The following SPTB variants were observed in gnomAD, a reference collection of about 807,000 sequenced individuals.
SPTB encodes the protein spectrin beta chain, erythrocytic.
SPTB carries 45 observed loss-of-function variants against 256.2 expected under a neutral mutation model. The ratio of observed to expected loss-of-function variants is 0.18; its 90% confidence interval spans 0.14 to 0.23. The LOEUF (loss-of-function observed/expected upper bound fraction) is 0.23, where lower values mean the gene tolerates loss of function less well. Among genes scored for constraint, SPTB ranks in the 10% least tolerant of loss-of-function variants. SPTB has a pLI of 1.00. For synonymous variants in SPTB, 1,231 were observed against 1,243.1 expected (o/e 0.99, Z 0.21); for missense variants, 2,715 against 3,040.4 (o/e 0.89, Z 2.52).
intron 1 of SPTB, among the ~76,000 whole-genome samples, chr14:64,860,737 T>A (rs2083953691): frequency 6.6e-6 from 1 of 152,166 alleles, no homozygotes; most frequent in Admixed American, 6.5e-5. Context: ...GTCCCTGCCC[T>A]AAAGAAATAG....
chr14:64,795,428 T>A lies in SPTB; in HGVS notation c.1553A>T (p.Gln518Leu). The A allele has an allele frequency of 6.2e-7, 1 of 1,614,232 alleles. No individual in the cohort carries two copies. The highest frequency in any genetic ancestry group is 1.6e-4 in the Middle Eastern group (1 of 6,062). Residue 518 changes from glutamine to leucine, a missense_variant, in exon 12 of 36, where the codon CAG (glutamine) becomes CTG (leucine). Transcript: ENST00000644917. This position sits in a 1 kb window ranked among gnomAD's most constrained non-coding sequence, Gnocchi z 6.5. ...RLWSYLQELL[Q>L]SRRQRLETTL... is the part of the protein sequence containing the mutation. ...GGTCTCGAGCCTCTGGCGCCGGGAC[T>A]GCAGCAGCTCCTGCAGGTAGCTCCA...
chr14:64,749,779 C>G lies in SPTB; in HGVS notation c.6777-83G>C. Reference sequence around the variant, plus strand: ...AGGGCTGGCTCTGATCCCACAATACCCTGAGCCGAACATCCAGACCCCTCT... The same window carrying G: ...AGGGCTGGCTCTGATCCCACAATACGCTGAGCCGAACATCCAGACCCCTCT... On this transcript the variant is annotated intron_variant, in intron 34 of 35. Transcript: ENST00000644917. The surrounding 1 kb of genome is among the most constrained non-coding windows in gnomAD (Gnocchi z 4.7). 1 of 1,559,248 alleles carries G rather than the reference C, an allele frequency of 6.4e-7. No individual in the cohort carries two copies. Among genetic ancestry groups the G allele is most frequent in the African/African-American group, 1.4e-5 (1 of 73,566 alleles).
Position 64,823,811 on chromosome 14 carries a change from T to C in SPTB, c.-51-666A>G, listed in dbSNP as rs915589250. Among the ~76,000 whole-genome samples the C allele has an allele frequency of 1.3e-5, 2 of 152,104 alleles. No individual in the cohort carries two copies. Among genetic ancestry groups the C allele is most frequent in the Non-Finnish European group, 2.9e-5 (2 of 68,010 alleles). ...AGGGCTTCTTTGGAGCATGACCAGG[T>C]GCTCAGATGAGGTCTCCTGTTGAAT... On this transcript the variant is annotated intron_variant, in intron 1 of 35. Transcript: ENST00000644917. The surrounding 1 kb of genome is among the most constrained non-coding windows in gnomAD (Gnocchi z 6.5).
At chr14:64,818,819 G>T (rs1044495041) in intron 2 of SPTB, among the ~76,000 whole-genome samples, 1 of 152,164 alleles carries the variant, frequency 6.6e-6, no homozygotes, top group African/African-American at 2.4e-5. Flanking sequence ...CATGAAGGCT[G>T]GAACCTTTTG....
chr14:64,788,344 G>A (rs967559112), intron 15 of SPTB, among the ~76,000 whole-genome samples: 4 of 152,234 alleles, frequency 2.6e-5, no homozygotes, highest in South Asian at 2.1e-4. Flanking sequence ...ACTGGACAGA[G>A]AGCGCTGTTG....
rs555373422 is a variant in SPTB at position 64,841,995 on chromosome 14, G to C, written c.-51-18850C>G. Among the ~76,000 whole-genome samples the C allele has an allele frequency of 8.4e-4, 128 of 152,330 alleles. 4 individuals are homozygous for C. The highest frequency in any genetic ancestry group is 5.9e-3 in the Admixed American group (91 of 15,302). ...GGCTACTCAGAAGTTCCACTGAACG[G>C]CATGTCAGTGCCTTACCAATAGTCA... On this transcript the variant is annotated intron_variant, in intron 1 of 35. Transcript: ENST00000644917. The surrounding 1 kb of genome is among the most constrained non-coding windows in gnomAD (Gnocchi z 4.6).
chr14:64,812,471 G>A (rs1009077815), intron 2 of SPTB, among the ~76,000 whole-genome samples: 7 of 152,156 alleles, frequency 4.6e-5, no homozygotes, highest in Admixed American at 3.3e-4. Flanking sequence ...AGCAAGGAAC[G>A]CTCTACCTCC....
intron 9 of SPTB, 49 bp from the exon 10 acceptor site, chr14:64,797,895 A>G (rs2139613955): frequency 6.8e-7 from 1 of 1,463,126 alleles, no homozygotes; most frequent in Non-Finnish European, 9.6e-7. Flanking sequence ...TCTCATGGCC[A>G]AATTTTTTTG....
At chr14:64,814,059 T>C (rs1023290246) in intron 2 of SPTB, among the ~76,000 whole-genome samples, 2 of 152,232 alleles carry the variant, frequency 1.3e-5, no homozygotes, top group South Asian at 2.1e-4. Flanking sequence ...ATTTGCGATA[T>C]AGCTAGGGGT....
chr14:64,801,193 C>T (rs924874060), intron 7 of SPTB, 92 bp downstream of exon 7: 16 of 1,133,202 alleles, frequency 1.4e-5, no homozygotes. Flanking sequence ...CCTGGGCCGG[C>T]CTCCAGAAGT....
chr14:64,751,946 T>TAAAAAAAAAAAAAAAAAACAAAAA (rs1566731898), intron 33 of SPTB, among the ~76,000 whole-genome samples: 1 of 90,440 alleles, frequency 1.1e-5, no homozygotes, highest in Non-Finnish European at 2.5e-5. Context: ...AAAAAAAAAT[T>TAAAAAAAAAAAAAAAAAACAAAAA]AGCCAGGCGT....
chr14:64,839,197 A>T (rs2083568832), intron 1 of SPTB, among the ~76,000 whole-genome samples: 2 of 152,240 alleles, frequency 1.3e-5, no homozygotes, highest in Admixed American at 1.3e-4. Flanking sequence ...AATTGGAAAC[A>T]ATAGATAAAC....
chr14:64,776,732 G>T (rs759368577), intron 22 of SPTB, among the ~76,000 whole-genome samples: 22 of 152,312 alleles, frequency 1.4e-4, no homozygotes, highest in Middle Eastern at 3.4e-3. Context: ...GTGAACCACT[G>T]CGCCCGGCCT....
At chr14:64,815,018 A>AGG (rs1566782356) in intron 2 of SPTB, among the ~76,000 whole-genome samples, 5 of 117,404 alleles carry the variant, frequency 4.3e-5, no homozygotes, top group African/African-American at 2.0e-4. Flanking sequence ...CAAGGTGTGT[A>AGG]TGTGTGTGTG....
At chr14:64,804,913 C>G (rs758718276) in intron 3 of SPTB, 26 bp downstream of exon 3, 2 of 1,613,480 alleles carry the variant, frequency 1.2e-6, no homozygotes, top group African/African-American at 1.3e-5. Context: ...TGGCAGCAGC[C>G]CCGGGGCCCA....
intron 10 of SPTB, 33 bp downstream of exon 10, chr14:64,797,696 A>T: frequency 6.8e-7 from 1 of 1,474,002 alleles, no homozygotes; most frequent in Non-Finnish European, 9.5e-7. Flanking sequence ...CAATCAATCT[A>T]CTGTCAATGC....
intron 2 of SPTB, among the ~76,000 whole-genome samples, chr14:64,814,552 G>A (rs893323987): frequency 1.3e-5 from 2 of 152,158 alleles, no homozygotes; most frequent in Admixed American, 6.5e-5. Flanking sequence ...GTCTCCCACT[G>A]TCGCTCAGGC....
At position 64,750,043 on chromosome 14, in the gene SPTB, C is replaced by G; in HGVS notation, c.6714G>C (p.Leu2238=). ...CAGCAATCTCACAGATGGCATGTCT[C>G]AGGGCCAGGGGTTCCTCCCCATGGT... ...MPYHGEEPLA[L]RHAICEIAAN... is the part of the protein sequence containing the mutation. The change falls in exon 34 of 36, where the codon CTG becomes CTC. Residue 2238 remains leucine (L), a synonymous_variant. Coordinates refer to ENST00000644917, the MANE Select transcript of SPTB (RefSeq NM_001355436.2). 1 of 1,614,216 alleles carries G rather than the reference C, an allele frequency of 6.2e-7. No individual in the cohort carries two copies. Among genetic ancestry groups the G allele is most frequent in the Non-Finnish European group, 8.5e-7 (1 of 1,180,032 alleles).
chr14:64,752,402 A>T, intron 33 of SPTB: 1 of 532,198 alleles, frequency 1.9e-6, no homozygotes, highest in Non-Finnish European at 3.1e-6. Flanking sequence ...ACCCATACAA[A>T]GCTGGCTGCA....
Sources: gnomAD v4.1 joint callset for allele counts (sites outside exome capture counted in the v4.1 genomes callset) on GRCh38, gnomAD v4.1.1 for gene constraint, Gnocchi (gnomAD v3.1) non-coding constraint, MANE v1.5 for transcripts, NCBI Gene and HGNC (gene_info 2026-07-23, HGNC 2026-07-21) for gene names.